Variants in PCDHGB1 observed in about 807,000 individuals in gnomAD.
PCDHGB1 encodes protocadherin gamma subfamily B, 1.
PCDHGB1 carries 34 observed loss-of-function variants against 56.6 expected under a neutral mutation model. That is an observed-to-expected ratio of 0.60 (90% CI 0.46 to 0.80). The LOEUF (loss-of-function observed/expected upper bound fraction) is 0.80. PCDHGB1 is among the 30% of genes least tolerant of loss of function. The pLI is 0.00. For missense variants in PCDHGB1, 1,278 were observed against 1,204.6 expected (o/e 1.06, Z -0.90); for synonymous variants, 561 against 505.9 (o/e 1.11, Z -1.46).
intron 1 of PCDHGB1, among the ~76,000 whole-genome samples, chr5:141,460,050 C>T (rs1477206197): frequency 6.6e-6 from 1 of 152,064 alleles, no homozygotes; most frequent in Non-Finnish European, 1.5e-5. Context: ...TGCACTCCAG[C>T]CTGGGCAACA....
At chr5:141,492,859 C>G (rs966216924) in intron 1 of PCDHGB1, among the ~76,000 whole-genome samples, 1 of 152,232 alleles carries the variant, frequency 6.6e-6, no homozygotes, top group Non-Finnish European at 1.5e-5. Context: ...CTCGAGCGCC[C>G]TGGCTCTCAA....
chr5:141,367,417 G>A (rs1389870101), intron 1 of PCDHGB1: 5 of 152,198 alleles, frequency 3.3e-5, no homozygotes, highest in Non-Finnish European at 7.3e-5. Context: ...GGCGCCTGTA[G>A]TCCCAGCTAC....
chr5:141,383,073 G>A, intron 1 of PCDHGB1: 1 of 1,613,920 alleles, frequency 6.2e-7, no homozygotes. Context: ...AGCCCCGGGA[G>A]CTGGCGGAGC....
chr5:141,385,381 T>C, intron 1 of PCDHGB1: 1 of 1,517,334 alleles, frequency 6.6e-7, no homozygotes, highest in South Asian at 1.3e-5. Context: ...TATTTCTCTA[T>C]TATTTTGCAA....
At chr5:141,356,030 T>C (rs750910395) in intron 1 of PCDHGB1, 1 of 1,613,998 alleles carries the variant, frequency 6.2e-7, no homozygotes, top group Admixed American at 1.7e-5. Context: ...AATGGAGACG[T>C]GACGTATTCT....
intron 1 of PCDHGB1, among the ~76,000 whole-genome samples, chr5:141,445,332 A>G (rs1364481039): frequency 1.4e-4 from 22 of 152,140 alleles, no homozygotes; most frequent in Admixed American, 1.4e-3. Context: ...CCATCCAGAA[A>G]CAGTAAACAT....
chr5:141,499,682 C>T, intron 2 of PCDHGB1, among the ~76,000 whole-genome samples: 1 of 148,196 alleles, frequency 6.7e-6, no homozygotes, highest in South Asian at 2.1e-4. Flanking sequence ...CCATCTTTAA[C>T]AGATGACTTT....
At chr5:141,400,032 C>T (rs770927016) in intron 1 of PCDHGB1, 1 of 1,613,282 alleles carries the variant, frequency 6.2e-7, no homozygotes, top group Admixed American at 1.7e-5. Flanking sequence ...ACGCGGCCCG[C>T]CAGCGCCTGC....
At chr5:141,370,668 C>A in intron 1 of PCDHGB1, 5 of 1,613,762 alleles carry the variant, frequency 3.1e-6, no homozygotes, top group Middle Eastern at 3.3e-4. Flanking sequence ...CCGTATAGAC[C>A]GAGAGGAGAT....
rs776737236 is a variant in PCDHGB1, at chr5:141,431,439, G to T, written c.2410-63368G>T. 20 of 1,613,724 alleles carry T rather than the reference G, an allele frequency of 1.2e-5. No individual in the cohort carries two copies. The highest frequency in any genetic ancestry group is 4.5e-5 in the East Asian group (2 of 44,888). Reference sequence around the variant, plus strand: ...GACCCGGTGCGCACAGGCACCGCGCGCATCCGCGTGATGGTTCTGGATGCG... The same window carrying T: ...GACCCGGTGCGCACAGGCACCGCGCTCATCCGCGTGATGGTTCTGGATGCG... On this transcript the variant is annotated intron_variant, in intron 1 of 3. Coordinates refer to ENST00000523390, the MANE Select transcript of PCDHGB1 (RefSeq NM_018922.3). This position sits in a 1 kb window ranked among gnomAD's most constrained non-coding sequence, Gnocchi z 4.8.
chr5:141,456,427 T>A (rs1156577293), intron 1 of PCDHGB1, among the ~76,000 whole-genome samples: 1 of 152,166 alleles, frequency 6.6e-6, no homozygotes, highest in East Asian at 1.9e-4. Context: ...ATTCAAGTTA[T>A]AGTATTGAGT....
Position 141,394,531 on chromosome 5 carries a change from C to T in PCDHGB1, c.2409+41862C>T, listed in dbSNP as rs1188248060. ...CCCGCCCTCCCCACAGACGGTTCCA[C>T]TGGCGTGGAGCTGGCGCCCCGCTCC... On this transcript the variant is annotated intron_variant, in intron 1 of 3. Transcript: ENST00000523390. 3 of 1,614,224 alleles carry T rather than the reference C, an allele frequency of 1.9e-6. No homozygotes were observed. In the South Asian group the frequency reaches 3.3e-5, roughly 18 times the overall value.
At chr5:141,430,837 C>G (rs1350348914) in intron 1 of PCDHGB1, 1 of 1,560,074 alleles carries the variant, frequency 6.4e-7, no homozygotes, top group Non-Finnish European at 8.6e-7. Context: ...TGTGGGAGAC[C>G]GGATGCACCC....
chr5:141,454,097 C>T (rs1021353610), intron 1 of PCDHGB1, among the ~76,000 whole-genome samples: 10 of 152,292 alleles, frequency 6.6e-5, no homozygotes, highest in Middle Eastern at 3.4e-3. Flanking sequence ...TTGAATTGAA[C>T]ATAAATGGAG....
At chr5:141,394,288 C>T in intron 1 of PCDHGB1, 1 of 1,613,944 alleles carries the variant, frequency 6.2e-7, no homozygotes, top group Non-Finnish European at 8.5e-7. Flanking sequence ...TACTCTGTGA[C>T]CGAGGACACG....
chr5:141,365,120 C>T, intron 1 of PCDHGB1: 1 of 1,613,898 alleles, frequency 6.2e-7, no homozygotes, highest in Non-Finnish European at 8.5e-7. Flanking sequence ...GCTGCTCATG[C>T]TAACCGCCAC....
At chr5:141,472,022 T>A (rs949257396) in intron 1 of PCDHGB1, among the ~76,000 whole-genome samples, 6 of 152,176 alleles carry the variant, frequency 3.9e-5, no homozygotes, top group African/African-American at 1.4e-4. Context: ...CTATATTGTA[T>A]GTAGAAAGCT....
chr5:141,369,478 G>A lies in PCDHGB1; in HGVS notation c.2409+16809G>A, dbSNP rs139702118. 6.3e-3 allele frequency among the ~76,000 whole-genome samples: 955 copies of A among 152,098 alleles called. 15 individuals carry two copies. The highest frequency in any genetic ancestry group is 0.022 in the African/African-American group (913 of 41,484). ...AGCCAGGTGTTCTAGCCCAGCCTGG[G>A]CAACATAGTGAAACCCCACCTCTAT... is the stretch of plus-strand genomic sequence containing the variant. On this transcript the variant is annotated intron_variant, in intron 1 of 3. Coordinates refer to ENST00000523390, the MANE Select transcript of PCDHGB1 (RefSeq NM_018922.3).
Position 141,372,333 on chromosome 5 carries a change from C to T in PCDHGB1, c.2409+19664C>T, listed in dbSNP as rs376897075. On this transcript the variant is annotated intron_variant, in intron 1 of 3. Transcript: ENST00000523390. The stretch of plus-strand genomic sequence containing the variant: ...CCGCCAGCGCCTGCTGGTCACTGTG[C>T]GTGATGGAGGACAGCAGCCTCTTTC... 5.9e-5 allele frequency: 96 copies of T among 1,613,614 alleles called. No homozygotes were observed. Among genetic ancestry groups the T allele is most frequent in the Non-Finnish European group, 7.9e-5 (93 of 1,179,914 alleles).
Sources: allele counts gnomAD v4.1 joint callset (sites outside exome capture counted in the v4.1 genomes callset), GRCh38; gene constraint gnomAD v4.1.1; non-coding constraint Gnocchi (gnomAD v3.1); transcripts MANE v1.5; gene names NCBI Gene and HGNC (gene_info 2026-07-23, HGNC 2026-07-21).